Variants in MSI2 observed in about 807,000 individuals in gnomAD.
MSI2 encodes the protein musashi RNA binding protein 2, also known as RNA-binding protein Musashi homolog 2.
In MSI2, 17 loss-of-function variants were observed where a neutral mutation model predicts 45.6. That is an observed-to-expected ratio of 0.37 (90% CI 0.26 to 0.56). MSI2 has a LOEUF of 0.56. MSI2 is among the 20% of genes least tolerant of loss of function. The pLI, the probability that MSI2 is intolerant of heterozygous loss-of-function variation, is 0.77. For missense variants in MSI2, 293 were observed against 444.2 expected, an observed-to-expected ratio of 0.66 and a Z score of 3.06; for synonymous variants, 156 against 158.2, an observed-to-expected ratio of 0.99 and a Z score of 0.11.
intron 11 of MSI2, among the ~76,000 whole-genome samples, chr17:57,656,057 A>G (rs1386915909): frequency 1.3e-5 from 2 of 152,168 alleles, no homozygotes; most frequent in Non-Finnish European, 2.9e-5. Context: ...TAGTACATGC[A>G]TTGTTGAGTT....
chr17:57,404,456 T>C (rs1419983745), intron 6 of MSI2, among the ~76,000 whole-genome samples: 2 of 152,160 alleles, frequency 1.3e-5, no homozygotes, highest in East Asian at 3.8e-4. Flanking sequence ...TCCTCCAGTC[T>C]ATTTGGCGAA....
intron 6 of MSI2, among the ~76,000 whole-genome samples, chr17:57,478,562 C>T (rs1457577941): frequency 1.3e-5 from 2 of 152,202 alleles, no homozygotes; most frequent in African/African-American, 4.8e-5. Context: ...TTACCACTGA[C>T]GTCTCCATGT....
chr17:57,617,970 C>T (rs1334360590), intron 9 of MSI2: 2 of 152,102 alleles, frequency 1.3e-5, no homozygotes, highest in Non-Finnish European at 2.9e-5. Context: ...ACTTGGGAAG[C>T]TGAAGCAGGA....
At chr17:57,339,742 G>C (rs749589193) in intron 5 of MSI2, among the ~76,000 whole-genome samples, 1 of 152,180 alleles carries the variant, frequency 6.6e-6, no homozygotes, top group Non-Finnish European at 1.5e-5. Context: ...TGGTAGGGCT[G>C]CTTCTGTGTC....
chr17:57,651,902 C>T (rs537866130), intron 10 of MSI2, among the ~76,000 whole-genome samples, 197 bp from the exon 11 acceptor site: 29 of 152,342 alleles, frequency 1.9e-4, no homozygotes, highest in African/African-American at 4.8e-4. Flanking sequence ...GAGAATCAAA[C>T]GCACCTAAAG....
intron 5 of MSI2, among the ~76,000 whole-genome samples, chr17:57,321,518 A>G (rs1366262585): frequency 1.3e-5 from 2 of 152,144 alleles, no homozygotes; most frequent in African/African-American, 4.8e-5. Context: ...CAGGAGGACA[A>G]GGGAACTCTG....
chr17:57,656,556 G>A (rs948360786), intron 11 of MSI2, among the ~76,000 whole-genome samples: 2 of 152,092 alleles, frequency 1.3e-5, no homozygotes, highest in Non-Finnish European at 2.9e-5. Context: ...TGGTAAGGAA[G>A]GGATTGAGAT....
At chr17:57,335,404 A>C (rs560691325) in intron 5 of MSI2, among the ~76,000 whole-genome samples, 205 of 152,324 alleles carry the variant, frequency 1.3e-3, no homozygotes, top group African/African-American at 4.7e-3. Context: ...ACCCATTTTC[A>C]CAAATAAAGT....
At chr17:57,619,281 G>A (rs1908046769) in intron 9 of MSI2, among the ~76,000 whole-genome samples, 1 of 152,254 alleles carries the variant, frequency 6.6e-6, no homozygotes, top group Non-Finnish European at 1.5e-5. Flanking sequence ...AGCACCTGCT[G>A]CGTGACCAGC....
chr17:57,697,674 G>C, the MSI2 span, among the ~76,000 whole-genome samples: 1 of 152,190 alleles, frequency 6.6e-6, no homozygotes, highest in Non-Finnish European at 1.5e-5. Flanking sequence ...AATCATGGTA[G>C]AAGGTGAAAA....
At chr17:57,639,082 G>A (rs1910053507) in intron 10 of MSI2, among the ~76,000 whole-genome samples, 2 of 152,094 alleles carry the variant, frequency 1.3e-5, no homozygotes, top group Admixed American at 6.5e-5. Context: ...CTTTTATAAG[G>A]GCACTAATGC....
At chr17:57,487,885 C>T (rs2085786322) in intron 6 of MSI2, among the ~76,000 whole-genome samples, 1 of 151,858 alleles carries the variant, frequency 6.6e-6, no homozygotes, top group African/African-American at 2.4e-5. Flanking sequence ...CTCCCTCCCT[C>T]TATTCTCATA....
At chr17:57,415,503 C>A (rs1047292315) in intron 6 of MSI2, among the ~76,000 whole-genome samples, 1 of 152,116 alleles carries the variant, frequency 6.6e-6, no homozygotes, top group Non-Finnish European at 1.5e-5. Flanking sequence ...ATTCAACTGT[C>A]TCCTGAGCCT....
chr17:57,301,848 G>A (rs759313197), intron 5 of MSI2, among the ~76,000 whole-genome samples: 4 of 151,900 alleles, frequency 2.6e-5, no homozygotes, highest in Non-Finnish European at 5.9e-5. Context: ...TTACCAGAAT[G>A]TGTATCTAGG....
chr17:57,689,721 T>C, the MSI2 span, among the ~76,000 whole-genome samples: 1 of 152,208 alleles, frequency 6.6e-6, no homozygotes, highest in Admixed American at 6.5e-5. Context: ...ATAACTGACC[T>C]ACTGTTAGTC....
chr17:57,562,410 T>C (rs1034020604), intron 7 of MSI2, among the ~76,000 whole-genome samples: 6 of 152,206 alleles, frequency 3.9e-5, no homozygotes, highest in African/African-American at 1.4e-4. Flanking sequence ...CCCAAGCAAC[T>C]CCTACCCTGG....
At chr17:57,517,090 G>A (rs888350268) in intron 6 of MSI2, among the ~76,000 whole-genome samples, 3 of 152,134 alleles carry the variant, frequency 2.0e-5, no homozygotes, top group East Asian at 1.9e-4. Flanking sequence ...AGACAGTTTC[G>A]GAATTCAAAA....
At position 57,570,568 on chromosome 17, in the gene MSI2, T is replaced by C. The variant is rs189389823; in HGVS notation, c.455-26300T>C. Among the ~76,000 whole-genome samples, 83 of 152,326 alleles carry C rather than the reference T, an allele frequency of 5.4e-4. No individual in the cohort carries two copies. The East Asian group carries it at 0.016, about 29-fold the overall frequency. Reference sequence around the variant, plus strand: ...GTCGAATCTCTTCTCTGCAACACTCTTCCCTGCCTGCCTTCTTGTCCCCAG... The same window carrying C: ...GTCGAATCTCTTCTCTGCAACACTCCTCCCTGCCTGCCTTCTTGTCCCCAG... On this transcript the variant is annotated intron_variant, in intron 7 of 13. Transcript: ENST00000284073.
chr17:57,574,854 G>A (rs1272911940), intron 7 of MSI2, among the ~76,000 whole-genome samples: 8 of 134,074 alleles, frequency 6.0e-5, no homozygotes, highest in African/African-American at 8.4e-5. Context: ...TTTTTGAGAC[G>A]GAGTCTCGCT....
Sources: allele counts gnomAD v4.1 joint callset (sites outside exome capture counted in the v4.1 genomes callset), GRCh38; gene constraint gnomAD v4.1.1; transcripts MANE v1.5; gene names NCBI Gene and HGNC (gene_info 2026-07-23, HGNC 2026-07-21).